Variants in PCLAF observed in about 807,000 individuals in gnomAD.
The protein encoded by PCLAF is PCNA clamp associated factor.
In PCLAF, 12 loss-of-function variants were observed where a neutral mutation model predicts 15.1. That is an observed-to-expected ratio of 0.79 (90% confidence interval 0.51 to 1.29). The LOEUF is 1.29. PCLAF is among the 50% of genes most tolerant of loss of function. The pLI, the probability that PCLAF is intolerant of heterozygous loss-of-function variation, is 0.00. For synonymous variants in PCLAF, 33 were observed against 47.1 expected, an observed-to-expected ratio of 0.70 and a Z score of 1.22; for missense variants, 116 against 130.9, an observed-to-expected ratio of 0.89 and a Z score of 0.56.
At chr15:64,373,711 T>A (rs1449952408) in intron 3 of PCLAF, 1 of 1,535,720 alleles carries the variant, frequency 6.5e-7, no homozygotes. Flanking sequence ...TTTGGATCAG[T>A]GTGCCGTGTG....
intron 2 of PCLAF, among the ~76,000 whole-genome samples, chr15:64,377,747 GTTTTT>G (rs34009261): frequency 1.0e-4 from 3 of 30,072 alleles, no homozygotes; most frequent in African/African-American, 2.1e-4. Flanking sequence ...AATTCCTGGT[GTTTTT>G]TTTTTTTTTT....
At chr15:64,381,257 G>C in intron 1 of PCLAF, 69 bp downstream of exon 1, 1 of 1,568,412 alleles carries the variant, frequency 6.4e-7, no homozygotes, top group Non-Finnish European at 8.8e-7. Flanking sequence ...GACCTCTGGC[G>C]TCTGTCGCCC....
intron 2 of PCLAF, 72 bp downstream of exon 2, chr15:64,380,886 A>T: frequency 7.4e-7 from 1 of 1,347,098 alleles, no homozygotes; most frequent in Non-Finnish European, 1.0e-6. Context: ...CTCAAGAAAA[A>T]GAAATTCATG....
intron 2 of PCLAF, among the ~76,000 whole-genome samples, chr15:64,377,498 T>A (rs1441992451): frequency 0.38 from 6,201 of 16,284 alleles, 1,160 homozygotes; most frequent in Non-Finnish European, 0.47. Context: ...AATATATATA[T>A]ATATATATAT....
In PCLAF at chr15:64,370,556, C is replaced by CG. The variant is rs562632163; in HGVS notation, c.291-4482dup. Among the ~76,000 whole-genome samples, 90 of 151,668 alleles carry CG rather than the reference C, an allele frequency of 5.9e-4. 1 individual carries two copies. Among genetic ancestry groups the CG allele is most frequent in the African/African-American group, 2.0e-3 (82 of 41,358 alleles). On this transcript the variant is annotated intron_variant, in intron 3 of 3. Transcript: ENST00000300035. ...CTAATTTTTGTATTTTTAGTAGAGACGGGGGTTTCGCCGTGTTGGCCAGGC... is the reference window on the plus strand; with the variant it reads ...CTAATTTTTGTATTTTTAGTAGAGACGGGGGGTTTCGCCGTGTTGGCCAGGC...
At chr15:64,374,493 T>G (rs1050900423) in intron 3 of PCLAF, among the ~76,000 whole-genome samples, 1 of 151,178 alleles carries the variant, frequency 6.6e-6, no homozygotes, top group Non-Finnish European at 1.5e-5. Context: ...GAGCCGAGAT[T>G]GCACCACTGC....
rs1370608884 is a variant in PCLAF, at chr15:64,376,922, G to A, written c.128-17C>T. The A allele has an allele frequency of 1.2e-6, 2 of 1,605,096 alleles. No homozygotes were observed. The highest frequency in any genetic ancestry group is 1.7e-6 in the Non-Finnish European group (2 of 1,174,208). ...TATTTTCAGCTGTAAAATATAAACA[G>A]ATGGAACTAGATAAGTGCTAATAAT... is the stretch of plus-strand genomic sequence containing the variant. On this transcript the variant is annotated splice_polypyrimidine_tract_variant and intron_variant, in intron 2 of 3. Coordinates refer to ENST00000300035, the MANE Select transcript of PCLAF (RefSeq NM_014736.6).
At chr15:64,371,422 C>T (rs889183301) in intron 3 of PCLAF, among the ~76,000 whole-genome samples, 1 of 152,100 alleles carries the variant, frequency 6.6e-6, no homozygotes, top group African/African-American at 2.4e-5. Flanking sequence ...CTCACCACCA[C>T]GCCCAGTTAA....
At chr15:64,382,424 AAAAG>A (rs552226095), upstream of PCLAF, 402 of 159,412 alleles carry the variant, frequency 2.5e-3, no homozygotes, top group Non-Finnish European at 3.9e-3. Context: ...TCAAAAAAAA[AAAAG>A]AAAGAAAGAA....
intron 3 of PCLAF, among the ~76,000 whole-genome samples, chr15:64,371,611 C>A (rs1899317269): frequency 6.6e-6 from 1 of 151,386 alleles, no homozygotes; most frequent in South Asian, 2.1e-4. Context: ...CAAAACAGAT[C>A]AATTTTTTTT....
chr15:64,378,000 G>A (rs1173387344), intron 2 of PCLAF, among the ~76,000 whole-genome samples: 1 of 151,640 alleles, frequency 6.6e-6, no homozygotes, highest in South Asian at 2.1e-4. Context: ...GCACGATCTT[G>A]GCTCACTGCA....
Position 64,381,335 on chromosome 15 carries a change from A to G in PCLAF, c.37T>C (p.Tyr13His), listed in dbSNP as rs369121099. 3.7e-6 allele frequency: 6 copies of G among 1,614,132 alleles called. No homozygotes were observed. Among genetic ancestry groups the G allele is most frequent in the Non-Finnish European group, 4.2e-6 (5 of 1,180,012 alleles). The change falls in exon 1 of 4, where the codon TAC becomes CAC. Residue 13 changes from tyrosine (Y) to histidine (H), a missense_variant. Coordinates refer to ENST00000300035, the MANE Select transcript of PCLAF (RefSeq NM_014736.6). ...CACTCGATCGCCTCACCTTTTCTGT[A>G]AGTGCCTGGAACACTGTCTGCTTTA... ...RTKADSVPGT[Y>H]RKVVAARAPR...
At chr15:64,381,458 G>T (rs1028343204), upstream of PCLAF, 22 of 1,611,932 alleles carry the variant, frequency 1.4e-5, no homozygotes, top group South Asian at 6.6e-5. Flanking sequence ...AAACTATCCC[G>T]CCACAGTTTA....
At chr15:64,381,703 A>G (rs1046969760), upstream of PCLAF, among the ~76,000 whole-genome samples, 3 of 152,246 alleles carry the variant, frequency 2.0e-5, no homozygotes, top group African/African-American at 7.2e-5. Context: ...TCTGAACTAC[A>G]GAAATGAGCC....
At position 64,364,842 on chromosome 15, in the gene PCLAF, A is replaced by G. The variant is rs530095324; in HGVS notation, c.*1188T>C. 1.3e-5 allele frequency: 2 copies of G among 149,828 alleles called. No individual in the cohort carries two copies. The highest frequency in any genetic ancestry group is 3.0e-5 in the Non-Finnish European group (2 of 67,538). 9.3% of individuals were successfully genotyped at this position (149,828 alleles called of 1,614,324 possible). ...GCTGGGATTACAGGCATGTGCCACC[A>G]TGCCTGGCTCATTTTTTCATTTTTA... is the stretch of plus-strand genomic sequence containing the variant. On this transcript the variant is annotated 3_prime_UTR_variant, in exon 4 of 4. Coordinates refer to ENST00000300035, the MANE Select transcript of PCLAF (RefSeq NM_014736.6).
At chr15:64,386,644 GTGTT>G (rs963265835) in intron 1 of PCLAF, among the ~76,000 whole-genome samples, 24 of 151,678 alleles carry the variant, frequency 1.6e-4, no homozygotes, top group Admixed American at 1.2e-3. Context: ...GTGTGTGTGT[GTGTT>G]TGTGTGTGTG....
upstream of PCLAF, chr15:64,381,463 A>G (rs1343166496): frequency 3.7e-6 from 6 of 1,611,632 alleles, no homozygotes; most frequent in Non-Finnish European, 5.1e-6. Context: ...ATCCCGCCAC[A>G]GTTTATATTG....
exon 1 of PCLAF, chr15:64,387,680 T>G (rs1328246534): frequency 1.4e-6 from 2 of 1,404,776 alleles, no homozygotes; most frequent in East Asian, 2.6e-5. Flanking sequence ...CACAAGGAAG[T>G]AGACAACAAA....
intron 3 of PCLAF, chr15:64,373,864 T>C: frequency 8.3e-7 from 1 of 1,199,896 alleles, no homozygotes; most frequent in African/African-American, 1.5e-5. Flanking sequence ...AAGTACTTTG[T>C]TTCGAAACAA....
Sources: allele counts gnomAD v4.1 joint callset (sites outside exome capture counted in the v4.1 genomes callset), GRCh38; gene constraint gnomAD v4.1.1; transcripts MANE v1.5; gene names NCBI Gene and HGNC (gene_info 2026-07-23, HGNC 2026-07-21).